DLC1: variants seen among roughly 807,000 people sequenced by gnomAD.
DLC1 encodes the protein rho GTPase-activating protein 7.
Under a neutral mutation model 140.3 loss-of-function variants are expected in DLC1, and 54 were observed. The observed-to-expected ratio is 0.38, with a 90% CI of 0.31 to 0.48. DLC1 has a LOEUF of 0.48. Among genes scored for constraint, DLC1 ranks in the 20% least tolerant of loss-of-function variants. The pLI, the probability that DLC1 is intolerant of heterozygous loss-of-function variation, is 0.96. For missense variants in DLC1, 2,536 were observed against 1,907.0 expected (o/e 1.33, Z -6.14); for synonymous variants, 986 against 728.1 (o/e 1.35, Z -5.70).
chr8:13,201,547 T>C (rs939013453), intron 5 of DLC1, among the ~76,000 whole-genome samples: 5 of 152,110 alleles, frequency 3.3e-5, no homozygotes, highest in African/African-American at 1.2e-4. Flanking sequence ...GAAAAGCTCT[T>C]AATTTCTAAT....
chr8:13,528,899 A>G (rs911096673), intron 1 of DLC1, among the ~76,000 whole-genome samples: 1 of 152,166 alleles, frequency 6.6e-6, no homozygotes, highest in Non-Finnish European at 1.5e-5. Flanking sequence ...TACAACAGTG[A>G]AGCCAATCTG....
rs572896427 is a variant in DLC1 at position 13,479,490 on chromosome 8, A to T, written c.1023+19559T>A. ...TGGGAGGTGGCAACACTCATAAAATATTGGAAGGAATATTTCTGAAGCTGA... is the reference window on the plus strand; with the variant it reads ...TGGGAGGTGGCAACACTCATAAAATTTTGGAAGGAATATTTCTGAAGCTGA... On this transcript the variant is annotated intron_variant, in intron 2 of 17. Transcript: ENST00000276297. Among the ~76,000 whole-genome samples, 3 of 152,324 alleles carry T rather than the reference A, an allele frequency of 2.0e-5. No homozygotes were observed. In the East Asian group the frequency reaches 5.8e-4, roughly 29 times the overall value.
At chr8:13,168,478 G>A (rs1342932844) in intron 5 of DLC1, among the ~76,000 whole-genome samples, 1 of 151,978 alleles carries the variant, frequency 6.6e-6, no homozygotes, top group Non-Finnish European at 1.5e-5. Flanking sequence ...CATTATTCCT[G>A]TTATGGAAAT....
intron 5 of DLC1, among the ~76,000 whole-genome samples, chr8:13,137,584 GAC>G (rs1329577538): frequency 1.4e-5 from 2 of 147,338 alleles, no homozygotes; most frequent in African/African-American, 5.0e-5. Flanking sequence ...CTTCAGCTTG[GAC>G]ATCAGTTTTT....
chr8:13,400,708 T>C (rs145183595), intron 3 of DLC1, among the ~76,000 whole-genome samples: 2 of 152,290 alleles, frequency 1.3e-5, no homozygotes, highest in African/African-American at 2.4e-5. Context: ...ACTTAATATG[T>C]TTATTATTGA....
chr8:13,088,620 T>C lies in DLC1; in HGVS notation c.4159A>G (p.Lys1387Glu). The C allele has an allele frequency of 6.2e-7, 1 of 1,614,198 alleles. No individual in the cohort carries two copies. The highest frequency in any genetic ancestry group is 8.5e-7 in the Non-Finnish European group (1 of 1,180,052). Residue 1387 changes from lysine (K) to glutamate (E), a missense_variant, in exon 16 of 18, where the codon AAA (lysine) becomes GAA (glutamate). Lys to Glu is a moderately conservative substitution (Grantham distance 56, BLOSUM62 1). Transcript: ENST00000276297. ...TCTACATCCCAGAGGTGCTGTTCTT[T>C]AAGTAGGCGCTTTAAGATTTCCTCT... ...VPEEILKRLL[K>E]EQHLWDVDLL...
chr8:13,238,436 T>A (rs77650299), intron 5 of DLC1, among the ~76,000 whole-genome samples: 14,594 of 151,454 alleles, frequency 0.096, 816 homozygotes, highest in South Asian at 0.15. Context: ...TCATTTGAGC[T>A]CAAGAGGTGG....
intron 6 of DLC1, 106 bp from the exon 7 acceptor site, chr8:13,110,929 C>T (rs1445242506): frequency 1.8e-5 from 18 of 976,042 alleles, no homozygotes; most frequent in Non-Finnish European, 2.6e-5. Context: ...ATATACTAAG[C>T]ACCTACTGTA....
rs1833426175 is a variant in DLC1, at chr8:13,327,682, A to G, written c.1315-22380T>C. ...CCATCCATCCACTTGACAAAAATGTACTGAGCCTCTACTCTGTATCAGGCA... is the reference window on the plus strand; with the variant it reads ...CCATCCATCCACTTGACAAAAATGTGCTGAGCCTCTACTCTGTATCAGGCA... On this transcript the variant is annotated intron_variant, in intron 4 of 17. Coordinates refer to ENST00000276297, the MANE Select transcript of DLC1 (RefSeq NM_182643.3). 1.3e-5 allele frequency among the ~76,000 whole-genome samples: 2 copies of G among 152,186 alleles called. 1 individual carries two copies. The highest frequency in any genetic ancestry group is 4.1e-4 in the South Asian group (2 of 4,830).
At chr8:13,304,687 A>T (rs1220612663) in intron 5 of DLC1, 1 of 955,450 alleles carries the variant, frequency 1.0e-6, no homozygotes, top group Non-Finnish European at 1.2e-6. Flanking sequence ...TTTTAAAAAC[A>T]CATAGATCTA....
At chr8:13,191,250 T>C (rs927326027) in intron 5 of DLC1, among the ~76,000 whole-genome samples, 2 of 152,218 alleles carry the variant, frequency 1.3e-5, no homozygotes, top group African/African-American at 4.8e-5. Context: ...CTCATGCCTG[T>C]AATCCCAGCA....
At chr8:13,514,417 A>T (rs777421232) in intron 1 of DLC1, among the ~76,000 whole-genome samples, 185 bp downstream of exon 1, 14 of 152,232 alleles carry the variant, frequency 9.2e-5, no homozygotes, top group Non-Finnish European at 1.6e-4. Context: ...TTTAGAACTG[A>T]CAGTTTGCTA....
chr8:13,085,716 T>A lies in DLC1; in HGVS notation c.*95A>T. The A allele has an allele frequency of 6.5e-7, 1 of 1,548,298 alleles. No individual in the cohort carries two copies. Among genetic ancestry groups the A allele is most frequent in the Non-Finnish European group, 8.7e-7 (1 of 1,148,020 alleles). On this transcript the variant is annotated 3_prime_UTR_variant, in exon 18 of 18. Transcript: ENST00000276297. ...ACACTCCAGCTTGTAGTTTTCTTTG[T>A]TTCAGGATTAGACACAGAACCCATT...
chr8:13,551,626 C>G (rs1399595222), intron 1 of DLC1, among the ~76,000 whole-genome samples: 2 of 151,806 alleles, frequency 1.3e-5, no homozygotes, highest in African/African-American at 4.8e-5. Context: ...GAGAACAAAT[C>G]AAAGAGAGGT....
At chr8:13,164,393 TCAAA>T (rs565235420) in intron 5 of DLC1, among the ~76,000 whole-genome samples, 50 of 152,192 alleles carry the variant, frequency 3.3e-4, no homozygotes, top group South Asian at 1.7e-3. Context: ...TATCTGTGTG[TCAAA>T]CAAAAAAACC....
intron 2 of DLC1, among the ~76,000 whole-genome samples, chr8:13,496,925 C>A (rs946224278): frequency 6.6e-6 from 1 of 150,886 alleles, no homozygotes; most frequent in African/African-American, 2.4e-5. Flanking sequence ...CTCAGCCTCC[C>A]GAGTAGCTGG....
intron 4 of DLC1, among the ~76,000 whole-genome samples, chr8:13,369,522 G>C (rs759274512): frequency 3.9e-5 from 6 of 152,118 alleles, no homozygotes; most frequent in Non-Finnish European, 8.8e-5. Context: ...CTCCAATTCA[G>C]TTTCCTTTGA....
intron 4 of DLC1, among the ~76,000 whole-genome samples, chr8:13,343,720 C>CA (rs1834180692): frequency 1.3e-5 from 2 of 152,134 alleles, no homozygotes; most frequent in African/African-American, 4.8e-5. Context: ...TCTTTTCCTA[C>CA]ACTGGATCGC....
intron 5 of DLC1, among the ~76,000 whole-genome samples, chr8:13,147,900 A>C (rs1283531534): frequency 1.3e-5 from 2 of 152,286 alleles, no homozygotes; most frequent in South Asian, 4.1e-4. Context: ...AGGCAGGAGA[A>C]TGGCTTGAAC....
Sources: gnomAD v4.1 joint callset for allele counts (sites outside exome capture counted in the v4.1 genomes callset) on GRCh38, gnomAD v4.1.1 for gene constraint, MANE v1.5 for transcripts, NCBI Gene and HGNC (gene_info 2026-07-23, HGNC 2026-07-21) for gene names.